NLGN1: variants seen among roughly 807,000 people sequenced by gnomAD.
NLGN1 encodes neuroligin-1.
In NLGN1, 12 loss-of-function variants were observed where a neutral mutation model predicts 65.5. The ratio of observed to expected loss-of-function variants is 0.18; its 90% CI spans 0.12 to 0.30. NLGN1 has a LOEUF of 0.30. NLGN1 is among the 10% of genes least tolerant of loss of function. NLGN1 has a pLI of 1.00. For missense variants in NLGN1, 750 were observed against 1,007.1 expected, an observed-to-expected ratio of 0.74 and a Z score of 3.46; for synonymous variants, 350 against 359.5, an observed-to-expected ratio of 0.97 and a Z score of 0.30.
At chr3:173,422,176 A>G (rs921561347) in intron 1 of NLGN1, among the ~76,000 whole-genome samples, 1 of 149,540 alleles carries the variant, frequency 6.7e-6, no homozygotes, top group African/African-American at 2.6e-5. Flanking sequence ...CACACAATGG[A>G]ATACTATTCA....
chr3:174,008,202 G>A (rs1405359799), intron 4 of NLGN1, among the ~76,000 whole-genome samples: 1 of 152,036 alleles, frequency 6.6e-6, no homozygotes, highest in Non-Finnish European at 1.5e-5. Flanking sequence ...GCCAGGTAGA[G>A]GAAAAAGATT....
intron 2 of NLGN1, among the ~76,000 whole-genome samples, chr3:173,553,657 G>A (rs988879631): frequency 6.6e-6 from 1 of 152,212 alleles, no homozygotes; most frequent in Non-Finnish European, 1.5e-5. Flanking sequence ...ACAAATGCCT[G>A]TGAATAATTG....
intron 3 of NLGN1, among the ~76,000 whole-genome samples, chr3:173,789,472 C>T (rs1712153732): frequency 6.6e-6 from 1 of 152,200 alleles, no homozygotes; most frequent in Non-Finnish European, 1.5e-5. Context: ...GATCCTACCA[C>T]AATCTCCCAA....
chr3:174,059,044 C>A (rs1736808674), intron 4 of NLGN1, among the ~76,000 whole-genome samples: 1 of 152,074 alleles, frequency 6.6e-6, no homozygotes, highest in Non-Finnish European at 1.5e-5. Context: ...AGAATATGAA[C>A]AGTTTCCCGT....
chr3:173,833,324 T>C (rs1451152985), intron 4 of NLGN1, among the ~76,000 whole-genome samples: 1 of 152,190 alleles, frequency 6.6e-6, no homozygotes, highest in Non-Finnish European at 1.5e-5. Flanking sequence ...TGCATTTATT[T>C]AATTATGAGG....
chr3:174,060,103 CA>C (rs935628125), intron 4 of NLGN1, among the ~76,000 whole-genome samples: 1 of 151,978 alleles, frequency 6.6e-6, no homozygotes, highest in Non-Finnish European at 1.5e-5. Flanking sequence ...AGACTTTTTA[CA>C]AAAAATTTGT....
At chr3:173,622,325 G>A (rs1385397987) in intron 3 of NLGN1, among the ~76,000 whole-genome samples, 1 of 152,030 alleles carries the variant, frequency 6.6e-6, no homozygotes, top group African/African-American at 2.4e-5. Context: ...TTTGAAAGCA[G>A]TGAAAGCCAC....
At chr3:174,246,083 A>C (rs561434628) in intron 4 of NLGN1, among the ~76,000 whole-genome samples, 1 of 152,332 alleles carries the variant, frequency 6.6e-6, no homozygotes, top group African/African-American at 2.4e-5. Context: ...TTAACAGATT[A>C]TTTAGCTAGT....
At chr3:173,965,000 A>G (rs1044098273) in intron 4 of NLGN1, among the ~76,000 whole-genome samples, 1 of 152,178 alleles carries the variant, frequency 6.6e-6, no homozygotes, top group African/African-American at 2.4e-5. Context: ...ACAATTCTGA[A>G]TAGTGGTATT....
chr3:174,153,234 A>G (rs905045394), intron 4 of NLGN1, among the ~76,000 whole-genome samples: 7 of 152,148 alleles, frequency 4.6e-5, no homozygotes, highest in African/African-American at 1.7e-4. Context: ...ACCACAATTT[A>G]TAATATTGAT....
intron 2 of NLGN1, among the ~76,000 whole-genome samples, chr3:173,537,027 T>C (rs1282927119): frequency 2.0e-5 from 3 of 152,184 alleles, no homozygotes; most frequent in African/African-American, 7.2e-5. Flanking sequence ...TACTCAACAT[T>C]TGTTCTCTTC....
intron 4 of NLGN1, among the ~76,000 whole-genome samples, chr3:174,188,019 C>T (rs573229497): frequency 1.3e-3 from 195 of 151,782 alleles, no homozygotes; most frequent in Non-Finnish European, 1.5e-3. Context: ...TAGTGCTTAC[C>T]CAATAGTAAA....
Position 173,844,128 on chromosome 3 carries a change from A to G in NLGN1, c.646+36296A>G, listed in dbSNP as rs1470117021. On this transcript the variant is annotated intron_variant, in intron 4 of 6. Coordinates refer to ENST00000457714, the Ensembl canonical transcript of NLGN1. ...CCATGAGATCTCATGAGCCTCATTC[A>G]CTATCACAAGAACAGCACAGGAAAA... Among the ~76,000 whole-genome samples the G allele has an allele frequency of 2.6e-5, 4 of 152,174 alleles. No homozygotes were observed. In the South Asian group the frequency reaches 8.3e-4, roughly 32 times the overall value.
chr3:173,446,575 AT>A (rs1409703688), intron 2 of NLGN1, among the ~76,000 whole-genome samples: 1 of 152,178 alleles, frequency 6.6e-6, no homozygotes, highest in East Asian at 1.9e-4. Context: ...CTTTGGGTAT[AT>A]ACCCAGTTAT....
At chr3:173,926,900 G>T (rs759188232) in intron 4 of NLGN1, among the ~76,000 whole-genome samples, 2 of 152,134 alleles carry the variant, frequency 1.3e-5, no homozygotes, top group African/African-American at 2.4e-5. Flanking sequence ...CTGCTTTATT[G>T]CCTGTAATGA....
intron 3 of NLGN1, among the ~76,000 whole-genome samples, chr3:173,674,227 A>G (rs1445513902): frequency 2.6e-5 from 4 of 152,200 alleles, no homozygotes; most frequent in African/African-American, 9.6e-5. Flanking sequence ...CTTTTGACAG[A>G]TTTATGTAAA....
intron 5 of NLGN1, 68 bp from the exon 6 acceptor site, chr3:174,278,793 C>A: frequency 8.3e-7 from 1 of 1,202,700 alleles, no homozygotes; most frequent in South Asian, 1.9e-5. Context: ...TCTAAAATAT[C>A]AGATGTTATT....
intron 4 of NLGN1, among the ~76,000 whole-genome samples, chr3:174,087,916 T>C (rs913764854): frequency 1.4e-4 from 21 of 152,228 alleles, no homozygotes; most frequent in Admixed American, 6.5e-4. Context: ...TGTTTGCCTT[T>C]TGCTTTGTAT....
At chr3:174,121,790 T>TA (rs1717835173) in intron 4 of NLGN1, among the ~76,000 whole-genome samples, 1 of 152,310 alleles carries the variant, frequency 6.6e-6, no homozygotes, top group African/African-American at 2.4e-5. Flanking sequence ...TCATTTAACT[T>TA]ACATAGGATT....
Sources: gnomAD v4.1 joint callset for allele counts (sites outside exome capture counted in the v4.1 genomes callset) on GRCh38, gnomAD v4.1.1 for gene constraint, MANE v1.5 for transcripts, NCBI Gene and HGNC (gene_info 2026-07-23, HGNC 2026-07-21) for gene names.